The following GMDS variants were observed in gnomAD, a reference collection of about 807,000 sequenced individuals.
GMDS encodes GDP-mannose 4,6 dehydratase.
GMDS carries 20 observed loss-of-function variants against 49.9 expected under a neutral mutation model. The ratio of observed to expected loss-of-function variants is 0.40; its 90% CI spans 0.28 to 0.58. The LOEUF (loss-of-function observed/expected upper bound fraction) is 0.58. GMDS is among the 20% of genes least tolerant of loss of function. The probability of loss-of-function intolerance (pLI) is 0.42; values close to 1 mark genes in which losing one functional copy is unlikely to be tolerated. For synonymous variants in GMDS, 177 were observed against 178.6 expected (o/e 0.99, Z 0.07); for missense variants, 362 against 481.4 (o/e 0.75, Z 2.32).
At chr6:1,894,541 C>T (rs1760053292) in intron 7 of GMDS, among the ~76,000 whole-genome samples, 1 of 152,114 alleles carries the variant, frequency 6.6e-6, no homozygotes, top group African/African-American at 2.4e-5. Flanking sequence ...GCTTTCTTTA[C>T]AGTTTCAAAG....
At chr6:1,687,836 T>C (rs1055873256) in intron 9 of GMDS, among the ~76,000 whole-genome samples, 1 of 150,512 alleles carries the variant, frequency 6.6e-6, no homozygotes, top group Non-Finnish European at 1.5e-5. Flanking sequence ...AGAGAGGGCA[T>C]GGGGGTAAGA....
chr6:1,912,170 A>G (rs953449409), intron 7 of GMDS, among the ~76,000 whole-genome samples: 3 of 152,098 alleles, frequency 2.0e-5, no homozygotes, highest in Non-Finnish European at 4.4e-5. Flanking sequence ...GTTTGAGACC[A>G]GCCTGGCCAA....
chr6:2,168,582 ATT>A (rs1421721557), intron 1 of GMDS, among the ~76,000 whole-genome samples: 2 of 152,240 alleles, frequency 1.3e-5, no homozygotes, highest in Non-Finnish European at 2.9e-5. Flanking sequence ...CTATGCTTCC[ATT>A]TCATAAACCA....
intron 7 of GMDS, among the ~76,000 whole-genome samples, chr6:1,894,870 G>T (rs1260904889): frequency 6.6e-6 from 1 of 152,196 alleles, no homozygotes; most frequent in Non-Finnish European, 1.5e-5. Context: ...ATAGTTATTA[G>T]TTGAGGTACG....
Position 1,709,993 on chromosome 6 carries a change from C to T in GMDS, c.987+16423G>A, listed in dbSNP as rs193224805. 2.6e-3 allele frequency among the ~76,000 whole-genome samples: 396 copies of T among 152,338 alleles called. 7 individuals are homozygous for T. Among genetic ancestry groups the T allele is most frequent in the Admixed American group, 0.023 (353 of 15,306 alleles). On this transcript the variant is annotated intron_variant, in intron 9 of 10. Transcript: ENST00000380815. ...CTGGAAATAGTTAATAAAAATCACACATATATATAAACCGATAACATAAAA... is the reference window on the plus strand; with the variant it reads ...CTGGAAATAGTTAATAAAAATCACATATATATATAAACCGATAACATAAAA...
chr6:2,219,976 A>G (rs1780510712), intron 1 of GMDS, among the ~76,000 whole-genome samples: 2 of 152,212 alleles, frequency 1.3e-5, no homozygotes, highest in Admixed American at 1.3e-4. Context: ...AATGGTGACA[A>G]TGAAGATGAT....
intron 6 of GMDS, among the ~76,000 whole-genome samples, chr6:1,936,257 C>T (rs1225126635): frequency 1.3e-5 from 2 of 152,162 alleles, no homozygotes; most frequent in Non-Finnish European, 2.9e-5. Context: ...AAGCAAGGCT[C>T]AATGTGAGCA....
chr6:2,105,615 T>A (rs926981317), intron 4 of GMDS, among the ~76,000 whole-genome samples: 1 of 152,268 alleles, frequency 6.6e-6, no homozygotes. Flanking sequence ...GTACTAATAA[T>A]GTGGGTTGAC....
chr6:2,091,451 C>T (rs954431238), intron 4 of GMDS, among the ~76,000 whole-genome samples: 8 of 152,136 alleles, frequency 5.3e-5, no homozygotes, highest in African/African-American at 1.2e-4. Context: ...CAGTTTGATA[C>T]GGTCACCAAT....
intron 7 of GMDS, among the ~76,000 whole-genome samples, chr6:1,772,019 G>A (rs920125249): frequency 3.9e-5 from 6 of 152,354 alleles, no homozygotes; most frequent in Admixed American, 6.5e-5. Flanking sequence ...GAACAGCCCT[G>A]TGAGCGGAAA....
At chr6:1,884,057 G>A (rs1418961734) in intron 7 of GMDS, among the ~76,000 whole-genome samples, 3 of 152,010 alleles carry the variant, frequency 2.0e-5, no homozygotes, top group Non-Finnish European at 2.9e-5. Context: ...CAATCAGAGC[G>A]AGAGCCTCAA....
chr6:1,712,957 G>C (rs1766024237), intron 9 of GMDS, among the ~76,000 whole-genome samples: 1 of 152,220 alleles, frequency 6.6e-6, no homozygotes, highest in South Asian at 2.1e-4. Context: ...GATGACCAGG[G>C]ACACGGGGCA....
chr6:2,102,625 G>T (rs1773989420), intron 4 of GMDS, among the ~76,000 whole-genome samples: 1 of 152,132 alleles, frequency 6.6e-6, no homozygotes, highest in Non-Finnish European at 1.5e-5. Context: ...CCAAAGAGGG[G>T]CTAAAAGTGT....
intron 7 of GMDS, among the ~76,000 whole-genome samples, chr6:1,803,970 T>A (rs146907397): frequency 1.3e-5 from 2 of 152,334 alleles, no homozygotes; most frequent in African/African-American, 4.8e-5. Flanking sequence ...TGATTTAGTG[T>A]CTCTGAGTTT....
At chr6:2,094,013 G>C (rs1442094756) in intron 4 of GMDS, among the ~76,000 whole-genome samples, 1 of 152,174 alleles carries the variant, frequency 6.6e-6, no homozygotes, top group Non-Finnish European at 1.5e-5. Flanking sequence ...ATGACATCCA[G>C]TTATTCATGA....
intron 1 of GMDS, among the ~76,000 whole-genome samples, chr6:2,189,664 G>A (rs957341629): frequency 1.3e-5 from 2 of 152,206 alleles, no homozygotes; most frequent in Non-Finnish European, 2.9e-5. Context: ...TTTTCTGGGG[G>A]AAGGGACATT....
chr6:1,800,054 G>A (rs547382344), intron 7 of GMDS, among the ~76,000 whole-genome samples: 82 of 152,292 alleles, frequency 5.4e-4, no homozygotes, highest in African/African-American at 1.9e-3. Context: ...CAGGAGGCCA[G>A]GGGAAGAGGA....
intron 4 of GMDS, among the ~76,000 whole-genome samples, chr6:2,004,022 C>T (rs1766997466): frequency 6.6e-6 from 1 of 152,188 alleles, no homozygotes; most frequent in South Asian, 2.1e-4. Context: ...TTAAACTCTT[C>T]CATGGCTATG....
chr6:1,731,588 AAT>A (rs1471536746), intron 8 of GMDS, among the ~76,000 whole-genome samples: 1 of 152,254 alleles, frequency 6.6e-6, no homozygotes, highest in African/African-American at 2.4e-5. Flanking sequence ...CCAATCTAGA[AAT>A]ATATACCAGC....
Sources: allele counts gnomAD v4.1 joint callset (sites outside exome capture counted in the v4.1 genomes callset), GRCh38; gene constraint gnomAD v4.1.1; transcripts MANE v1.5; gene names NCBI Gene and HGNC (gene_info 2026-07-23, HGNC 2026-07-21).